The following EFNB2 variants were observed in gnomAD, a reference collection of about 807,000 sequenced individuals.
EFNB2 encodes ephrin B2, also known as ephrin-B2.
EFNB2 carries 5 observed loss-of-function variants against 32.1 expected under a neutral mutation model. The observed-to-expected ratio is 0.16, with a 90% confidence interval of 0.08 to 0.33. The LOEUF is 0.33. Among genes scored for constraint, EFNB2 ranks in the 10% least tolerant of loss-of-function variants. The pLI is 1.00. For missense variants in EFNB2, 263 were observed against 422.6 expected (o/e 0.62, Z 3.31); for synonymous variants, 168 against 166.5 (o/e 1.01, Z -0.07).
intron 2 of EFNB2, among the ~76,000 whole-genome samples, chr13:106,499,739 T>A (rs1315372958): frequency 1.3e-5 from 2 of 152,110 alleles, no homozygotes; most frequent in East Asian, 3.9e-4. Flanking sequence ...TTTACAAATT[T>A]AAAAATTACC....
rs1878346454 is a variant in EFNB2 at position 106,490,033 on chromosome 13, A to G, written c.*3007T>C. 1 of 152,628 alleles carries G rather than the reference A, an allele frequency of 6.6e-6. No individual in the cohort carries two copies. Among genetic ancestry groups the G allele is most frequent in the Admixed American group, 6.5e-5 (1 of 15,270 alleles). 9.5% of individuals were successfully genotyped at this position (152,628 alleles called of 1,614,324 possible). ...CAGCAATTTGGCAACCTTTTATACC[A>G]TTTTTTCCTCATTACAGTGCAAAGG... is the stretch of plus-strand genomic sequence containing the variant. On this transcript the variant is annotated 3_prime_UTR_variant, in exon 5 of 5. Transcript: ENST00000646441.
At chr13:106,514,714 A>C (rs1879257274) in intron 1 of EFNB2, among the ~76,000 whole-genome samples, 1 of 152,172 alleles carries the variant, frequency 6.6e-6, no homozygotes, top group Non-Finnish European at 1.5e-5. Context: ...CATACACTCC[A>C]AACCTTTTCT....
chr13:106,512,369 G>A (rs1594169681), intron 2 of EFNB2, among the ~76,000 whole-genome samples, 160 bp downstream of exon 2: 1 of 100,934 alleles, frequency 9.9e-6, no homozygotes, highest in African/African-American at 3.7e-5. Flanking sequence ...CAAATTCAAT[G>A]AAGTTTTCTT....
intron 2 of EFNB2, among the ~76,000 whole-genome samples, chr13:106,504,828 C>G (rs1358003674): frequency 2.6e-5 from 4 of 152,118 alleles, no homozygotes; most frequent in Admixed American, 6.5e-5. Context: ...CTCATACCAC[C>G]TCTACTTGTA....
At chr13:106,499,468 T>C (rs1165081562) in intron 2 of EFNB2, among the ~76,000 whole-genome samples, 1 of 152,216 alleles carries the variant, frequency 6.6e-6, no homozygotes, top group Non-Finnish European at 1.5e-5. Flanking sequence ...CAGGAGACAA[T>C]TCTGCAATTA....
At position 106,512,590 on chromosome 13, in the gene EFNB2, T is replaced by C; in HGVS notation, c.345A>G (p.Gln115=). The C allele has an allele frequency of 2.5e-6, 4 of 1,613,916 alleles. No homozygotes were observed. Among genetic ancestry groups the C allele is most frequent in the Non-Finnish European group, 3.4e-6 (4 of 1,179,866 alleles). ...DQDIKFTIKF[Q]EFSPNLWGLE... ...GACCCCAGAGGTTAGGGCTGAATTC[T>C]TGAAACTTGATGGTGAATTTGATAT... The change falls in exon 2 of 5, where the codon CAA becomes CAG. Residue 115 remains glutamine (Q), a synonymous_variant. Coordinates refer to ENST00000646441, the MANE Select transcript of EFNB2 (RefSeq NM_004093.4).
chr13:106,513,760 C>G (rs1879223525), intron 1 of EFNB2, among the ~76,000 whole-genome samples: 1 of 28,056 alleles, frequency 3.6e-5, no homozygotes, highest in Non-Finnish European at 1.0e-4. Flanking sequence ...GAAATCTCAG[C>G]TCGTTCGTAA....
chr13:106,527,352 C>T (rs1879735652), intron 1 of EFNB2, among the ~76,000 whole-genome samples: 1 of 152,122 alleles, frequency 6.6e-6, no homozygotes, highest in African/African-American at 2.4e-5. Context: ...GGTTCATTCA[C>T]AGCGCTCTAA....
chr13:106,518,437 C>T lies in EFNB2; in HGVS notation c.123-5625G>A. 6.6e-6 allele frequency: 1 copy of T among 152,178 alleles called. No individual in the cohort carries two copies. The highest frequency in any genetic ancestry group is 1.5e-5 in the Non-Finnish European group (1 of 68,034). 9.4% of individuals were successfully genotyped at this position (152,178 alleles called of 1,614,324 possible). On this transcript the variant is annotated intron_variant, in intron 1 of 4. Coordinates refer to ENST00000646441, the MANE Select transcript of EFNB2 (RefSeq NM_004093.4). The surrounding 1 kb of genome is among the most constrained non-coding windows in gnomAD (Gnocchi z 4.1). ...GAAGACAACAGAAAGTTTTAACCTACACTACGAGCACATGCTTGTTTAAAA... is the reference window on the plus strand; with the variant it reads ...GAAGACAACAGAAAGTTTTAACCTATACTACGAGCACATGCTTGTTTAAAA...
intron 2 of EFNB2, among the ~76,000 whole-genome samples, chr13:106,501,624 GCT>G (rs1241993121): frequency 6.7e-6 from 1 of 148,994 alleles, no homozygotes; most frequent in Non-Finnish European, 1.5e-5. Context: ...ACGGAGTCTC[GCT>G]CTGTCACCCA....
chr13:106,530,233 T>C (rs190770679), intron 1 of EFNB2, among the ~76,000 whole-genome samples: 1 of 152,296 alleles, frequency 6.6e-6, no homozygotes, highest in Admixed American at 6.5e-5. Flanking sequence ...TTGCTGTTCT[T>C]ATATTCCTCC....
Position 106,535,596 on chromosome 13 carries a change from C to G in EFNB2, c.-632G>C, listed in dbSNP as rs1361734298. The G allele has an allele frequency of 6.6e-6, 1 of 150,416 alleles. No homozygotes were observed. The highest frequency in any genetic ancestry group is 1.5e-5 in the Non-Finnish European group (1 of 67,408). The allele number at this position is 150,416 out of a possible 1,614,324, so 9.3% of individuals were successfully genotyped here. A position where few individuals can be genotyped will look rare whatever the true frequency, so the allele number is the denominator to read the frequency against. On this transcript the variant is annotated 5_prime_UTR_variant, in exon 1 of 5. Transcript: ENST00000646441. The stretch of plus-strand genomic sequence containing the variant: ...GGGCCTTTGTGTGCGGGGAGGGCGC[C>G]GGGACCCGCTGCGTGCGCAGCTCCT...
intron 1 of EFNB2, among the ~76,000 whole-genome samples, chr13:106,514,581 T>G (rs1427791033): frequency 3.3e-5 from 5 of 152,276 alleles, no homozygotes; most frequent in South Asian, 2.1e-4. Flanking sequence ...CAAACTAAAT[T>G]CCATAAACAT....
chr13:106,509,467 T>C (rs1879061642), intron 2 of EFNB2, among the ~76,000 whole-genome samples: 2 of 152,202 alleles, frequency 1.3e-5, no homozygotes, highest in African/African-American at 4.8e-5. Context: ...CTAATATTAT[T>C]TACTGTCTCA....
intron 1 of EFNB2, chr13:106,521,354 C>G (rs758705628): frequency 2.6e-5 from 4 of 152,124 alleles, no homozygotes; most frequent in Non-Finnish European, 5.9e-5. Flanking sequence ...AGCAACTCTT[C>G]AAGGTGAGGT....
chr13:106,510,250 ATAAAT>A (rs938149863), intron 2 of EFNB2: 2 of 152,162 alleles, frequency 1.3e-5, no homozygotes, highest in African/African-American at 4.8e-5. Context: ...TATTATAATT[ATAAAT>A]TAAACTGCTT....
At chr13:106,498,579 A>G (rs1329186856) in intron 2 of EFNB2, among the ~76,000 whole-genome samples, 1 of 152,222 alleles carries the variant, frequency 6.6e-6, no homozygotes, top group Admixed American at 6.5e-5. Context: ...TCCACAGACT[A>G]TAAGACAGTA....
chr13:106,524,701 T>C (rs2138939032), intron 1 of EFNB2, among the ~76,000 whole-genome samples: 1 of 152,294 alleles, frequency 6.6e-6, no homozygotes, highest in South Asian at 2.1e-4. Flanking sequence ...ACCCAACTGC[T>C]CACAGTACTC....
Position 106,492,722 on chromosome 13 carries a change from T to C in EFNB2, c.*318A>G, listed in dbSNP as rs1204517645. ...GCCCTCTCGTCCACAAACCACTGTC[T>C]TCCCTTGGCTTCTGCAGAGGCCTGA... is the stretch of plus-strand genomic sequence containing the variant. On this transcript the variant is annotated 3_prime_UTR_variant, in exon 5 of 5. Transcript: ENST00000646441. The surrounding 1 kb of genome is among the most constrained non-coding windows in gnomAD (Gnocchi z 5.1). 2 of 251,682 alleles carry C rather than the reference T, an allele frequency of 7.9e-6. No individual in the cohort carries two copies. Among genetic ancestry groups the C allele is most frequent in the Non-Finnish European group, 1.6e-5 (2 of 129,010 alleles). 15.6% of individuals were successfully genotyped at this position (251,682 alleles called of 1,614,324 possible).
Sources: allele counts gnomAD v4.1 joint callset (sites outside exome capture counted in the v4.1 genomes callset), GRCh38; gene constraint gnomAD v4.1.1; non-coding constraint Gnocchi (gnomAD v3.1); transcripts MANE v1.5; gene names NCBI Gene and HGNC (gene_info 2026-07-23, HGNC 2026-07-21).